The following MKLN1 variants were observed in gnomAD, a reference collection of about 807,000 sequenced individuals.
MKLN1 encodes muskelin 1.
MKLN1 carries 18 observed loss-of-function variants against 99.0 expected under a neutral mutation model. The observed-to-expected ratio is 0.18, with a 90% CI of 0.13 to 0.27. The LOEUF (loss-of-function observed/expected upper bound fraction) is 0.27. Ranked by LOEUF, MKLN1 falls within the 10% of genes least tolerant of loss-of-function variation. The probability of loss-of-function intolerance (pLI) is 1.00; values close to 1 mark genes in which losing one functional copy is unlikely to be tolerated. For missense variants in MKLN1, 621 were observed against 875.9 expected (o/e 0.71, Z 3.67); for synonymous variants, 288 against 293.2 (o/e 0.98, Z 0.18).
chr7:131,192,702 C>A (rs1353383035), intron 2 of MKLN1, among the ~76,000 whole-genome samples: 1 of 151,582 alleles, frequency 6.6e-6, no homozygotes, highest in African/African-American at 2.4e-5. Context: ...CCACCACGCC[C>A]TGCTAATTTT....
intron 3 of MKLN1, among the ~76,000 whole-genome samples, chr7:131,302,383 G>T (rs1231106037): frequency 6.6e-6 from 1 of 152,170 alleles, no homozygotes; most frequent in Non-Finnish European, 1.5e-5. Flanking sequence ...CCAGGCTGAC[G>T]ATCTGACTTG....
At chr7:131,335,090 G>A (rs970465698) in intron 1 of MKLN1, among the ~76,000 whole-genome samples, 16 of 152,150 alleles carry the variant, frequency 1.1e-4, no homozygotes, top group Non-Finnish European at 2.1e-4. Flanking sequence ...GTCAGATAAA[G>A]CTCTGAGAAG....
At chr7:131,456,975 G>A (rs1383681294) in intron 12 of MKLN1, among the ~76,000 whole-genome samples, 3 of 152,008 alleles carry the variant, frequency 2.0e-5, no homozygotes, top group Admixed American at 6.6e-5. Flanking sequence ...ATGTAAAGCA[G>A]AATTATTAAA....
intron 6 of MKLN1, among the ~76,000 whole-genome samples, chr7:131,403,549 T>C (rs1039798768): frequency 2.6e-5 from 4 of 152,238 alleles, no homozygotes; most frequent in African/African-American, 9.6e-5. Flanking sequence ...CAGCCTATCT[T>C]GGCCTTTGAC....
chr7:131,474,973 G>A (rs1796925549), intron 16 of MKLN1, among the ~76,000 whole-genome samples: 1 of 152,070 alleles, frequency 6.6e-6, no homozygotes, highest in South Asian at 2.1e-4. Flanking sequence ...GGGGGGAAAT[G>A]CCACACATGT....
At chr7:131,444,814 TA>T (rs1795959973) in intron 11 of MKLN1, among the ~76,000 whole-genome samples, 3 of 143,240 alleles carry the variant, frequency 2.1e-5, no homozygotes, top group African/African-American at 7.8e-5. Context: ...GTAGTAGTAG[TA>T]GTAGTAGAAG....
intron 3 of MKLN1, among the ~76,000 whole-genome samples, chr7:131,251,987 A>C (rs1290633331): frequency 1.3e-5 from 2 of 152,112 alleles, no homozygotes; most frequent in Non-Finnish European, 2.9e-5. Flanking sequence ...CCCCAACTTC[A>C]TTTTAGGCAA....
intron 1 of MKLN1, among the ~76,000 whole-genome samples, chr7:131,343,816 T>C (rs1021073874): frequency 1.3e-5 from 2 of 152,188 alleles, no homozygotes; most frequent in African/African-American, 2.4e-5. Flanking sequence ...AATCTGAGAA[T>C]GTGTGAATTG....
intron 7 of MKLN1, among the ~76,000 whole-genome samples, chr7:131,413,127 T>G (rs575713232): frequency 6.6e-6 from 1 of 152,328 alleles, no homozygotes; most frequent in South Asian, 2.1e-4. Context: ...AAATCTATTC[T>G]TAAAGATGGC....
chr7:131,395,938 ATTTTCAGC>A (rs143399002), intron 4 of MKLN1, among the ~76,000 whole-genome samples: 1,972 of 151,782 alleles, frequency 0.013, 83 homozygotes, highest in African/African-American at 0.045. Context: ...ATTCTGAAGT[ATTTTCAGC>A]TTTTTGCCAT....
intron 11 of MKLN1, among the ~76,000 whole-genome samples, chr7:131,444,543 A>G (rs1013908160): frequency 5.9e-5 from 9 of 151,882 alleles, no homozygotes; most frequent in African/African-American, 2.2e-4. Flanking sequence ...ATTCAAATAA[A>G]ATATTTTTTA....
intron 2 of MKLN1, among the ~76,000 whole-genome samples, chr7:131,188,110 T>A (rs1467798199): frequency 6.6e-6 from 1 of 152,172 alleles, no homozygotes; most frequent in East Asian, 1.9e-4. Flanking sequence ...TTTTAAAAAT[T>A]CACCATTAAG....
chr7:131,116,784 G>T (rs577224359), intron 1 of MKLN1, among the ~76,000 whole-genome samples: 3 of 151,968 alleles, frequency 2.0e-5, no homozygotes, highest in Non-Finnish European at 4.4e-5. Context: ...ATAATAAAAG[G>T]CATGTGCATC....
chr7:131,338,514 A>C (rs1052887281), intron 1 of MKLN1, among the ~76,000 whole-genome samples: 29 of 152,226 alleles, frequency 1.9e-4, no homozygotes, highest in African/African-American at 6.8e-4. Context: ...TACCTCAGAA[A>C]GTCTGATATT....
At chr7:131,133,847 G>C (rs79160563) in intron 1 of MKLN1, among the ~76,000 whole-genome samples, 1 of 29,068 alleles carries the variant, frequency 3.4e-5, no homozygotes, top group Non-Finnish European at 7.4e-5. Context: ...TTTTTTTTTT[G>C]AGACGAAGTT....
intron 6 of MKLN1, among the ~76,000 whole-genome samples, chr7:131,402,181 C>T (rs1462705323): frequency 6.6e-6 from 1 of 152,172 alleles, no homozygotes. Context: ...ATTCTAAATC[C>T]TTTGTTGTCA....
chr7:131,208,580 C>A (rs1347936690), intron 3 of MKLN1, among the ~76,000 whole-genome samples: 2 of 152,148 alleles, frequency 1.3e-5, no homozygotes, highest in Non-Finnish European at 2.9e-5. Context: ...GCCTAGGTGA[C>A]AGAGTGAGAC....
At chr7:131,328,319 C>G (rs1255795049) in intron 1 of MKLN1, 3 of 298,716 alleles carry the variant, frequency 1.0e-5, no homozygotes, top group Non-Finnish European at 1.9e-5. Flanking sequence ...GGGCGGACGG[C>G]TCTGGGGCAG....
At chr7:131,269,281 C>T (rs55697179) in intron 3 of MKLN1, among the ~76,000 whole-genome samples, 5,710 of 152,274 alleles carry the variant, frequency 0.037, 149 homozygotes, top group Non-Finnish European at 0.058. Context: ...ATGTATTGCC[C>T]ACAGTTCTAG....
Sources: gnomAD v4.1 joint callset for allele counts (sites outside exome capture counted in the v4.1 genomes callset) on GRCh38, gnomAD v4.1.1 for gene constraint, MANE v1.5 for transcripts, NCBI Gene and HGNC (gene_info 2026-07-23, HGNC 2026-07-21) for gene names.